Variants in PIWIL1 observed in about 807,000 individuals in gnomAD.
PIWIL1 encodes piwi-like protein 1.
PIWIL1 carries 73 observed loss-of-function variants against 114.4 expected under a neutral mutation model. The ratio of observed to expected loss-of-function variants is 0.64; its 90% CI spans 0.53 to 0.78. The LOEUF is 0.78. Among genes scored for constraint, PIWIL1 ranks in the 30% least tolerant of loss-of-function variants. The pLI is 0.00. For synonymous variants in PIWIL1, 375 were observed against 369.0 expected, an observed-to-expected ratio of 1.02 and a Z score of -0.19; for missense variants, 723 against 1,063.1, an observed-to-expected ratio of 0.68 and a Z score of 4.45.
At chr12:130,372,770 T>C (rs758149676), downstream of PIWIL1, 9 of 152,118 alleles carry the variant, frequency 5.9e-5, no homozygotes, top group Non-Finnish European at 1.0e-4. Context: ...AAGAAGTCTG[T>C]GGTGTTGTGA....
chr12:130,423,656 C>A, the PIWIL1 span, among the ~76,000 whole-genome samples: 53 of 50,112 alleles, frequency 1.1e-3, no homozygotes, highest in Admixed American at 5.2e-3. Context: ...AAACAATATG[C>A]AAAAAAAAAA....
the PIWIL1 span, among the ~76,000 whole-genome samples, chr12:130,391,392 A>C: frequency 6.6e-6 from 1 of 152,182 alleles, no homozygotes; most frequent in East Asian, 1.9e-4. Flanking sequence ...CCATCTCTAC[A>C]AGGATTTTAT....
At chr12:130,395,578 C>T in the PIWIL1 span, among the ~76,000 whole-genome samples, 1 of 152,138 alleles carries the variant, frequency 6.6e-6, no homozygotes, top group African/African-American at 2.4e-5. Context: ...TTTTTGTTAG[C>T]AACTCTTCAA....
chr12:130,348,757 C>T (rs1322245176), intron 7 of PIWIL1, among the ~76,000 whole-genome samples: 2 of 152,016 alleles, frequency 1.3e-5, no homozygotes, highest in South Asian at 2.1e-4. Flanking sequence ...AAAGATTAGC[C>T]GGGTGTGGTG....
At chr12:130,343,922 C>T (rs761555629) in intron 3 of PIWIL1, among the ~76,000 whole-genome samples, 7 of 152,146 alleles carry the variant, frequency 4.6e-5, no homozygotes, top group Non-Finnish European at 1.0e-4. Context: ...CCACCGCACC[C>T]GGCCCATTGA....
chr12:130,356,665 G>T (rs1206033886), intron 12 of PIWIL1, among the ~76,000 whole-genome samples: 1 of 152,160 alleles, frequency 6.6e-6, no homozygotes, highest in Non-Finnish European at 1.5e-5. Flanking sequence ...AGCACTTAGG[G>T]AAGTACCTGG....
intron 6 of PIWIL1, 83 bp from the exon 7 acceptor site, chr12:130,348,020 C>A: frequency 1.1e-6 from 1 of 901,326 alleles, no homozygotes; most frequent in Non-Finnish European, 1.7e-6. Flanking sequence ...AATTTGCCAA[C>A]CCCTGCTCTA....
chr12:130,385,104 T>A, the PIWIL1 span, among the ~76,000 whole-genome samples: 1 of 152,222 alleles, frequency 6.6e-6, no homozygotes, highest in South Asian at 2.1e-4. Context: ...GTCTTTGCTT[T>A]TGATGAACTA....
At chr12:130,402,165 G>T in the PIWIL1 span, among the ~76,000 whole-genome samples, 1 of 152,196 alleles carries the variant, frequency 6.6e-6, no homozygotes. Flanking sequence ...CGTCCAAAGT[G>T]ACGACGGGAC....
intron 3 of PIWIL1, among the ~76,000 whole-genome samples, chr12:130,344,252 T>C (rs1171147061): frequency 6.6e-6 from 1 of 152,140 alleles, no homozygotes; most frequent in Non-Finnish European, 1.5e-5. Context: ...TGTCATCAGG[T>C]TGGATTCAGT....
At chr12:130,390,426 C>T in the PIWIL1 span, among the ~76,000 whole-genome samples, 1 of 152,114 alleles carries the variant, frequency 6.6e-6, no homozygotes. Context: ...TGCTTACAGG[C>T]CAGCGTCATA....
At chr12:130,405,751 T>C in the PIWIL1 span, among the ~76,000 whole-genome samples, 37 of 128,324 alleles carry the variant, frequency 2.9e-4, no homozygotes, top group East Asian at 8.3e-3. Flanking sequence ...AGTCCTAAAA[T>C]CTGTGGGGTT....
the PIWIL1 span, chr12:130,412,683 C>T: frequency 6.2e-7 from 1 of 1,613,882 alleles, no homozygotes. Context: ...CCATCATCTC[C>T]TCATCATCTG....
At chr12:130,394,157 G>A in the PIWIL1 span, among the ~76,000 whole-genome samples, 11 of 152,100 alleles carry the variant, frequency 7.2e-5, no homozygotes, top group African/African-American at 2.2e-4. Flanking sequence ...GATTTCTTTC[G>A]TATTCTTAAT....
At chr12:130,361,671 T>G in intron 16 of PIWIL1, 70 bp downstream of exon 16, 1 of 1,192,446 alleles carries the variant, frequency 8.4e-7, no homozygotes, top group Non-Finnish European at 1.2e-6. Context: ...TCAGGAGTAG[T>G]GTTCATTCTT....
At chr12:130,353,838 A>G (rs1336740996) in intron 9 of PIWIL1, among the ~76,000 whole-genome samples, 4 of 151,962 alleles carry the variant, frequency 2.6e-5, no homozygotes, top group Non-Finnish European at 5.9e-5. Flanking sequence ...AGGCAGGAGA[A>G]TCACCTGAAC....
At chr12:130,410,152 T>C in the PIWIL1 span, among the ~76,000 whole-genome samples, 3 of 152,236 alleles carry the variant, frequency 2.0e-5, no homozygotes, top group Non-Finnish European at 4.4e-5. Context: ...TTAAAGATCT[T>C]TTCATGTGCT....
At chr12:130,341,864 A>G in intron 1 of PIWIL1, among the ~76,000 whole-genome samples, 1 of 152,256 alleles carries the variant, frequency 6.6e-6, no homozygotes, top group East Asian at 1.9e-4. Context: ...GGAAGCACTT[A>G]GTACCATCAT....
chr12:130,363,185 T>A (rs771228768), intron 18 of PIWIL1, 41 bp downstream of exon 18: 2 of 1,575,784 alleles, frequency 1.3e-6, no homozygotes, highest in Non-Finnish European at 8.7e-7. Flanking sequence ...TTTATAAAAC[T>A]GCACCTTTGT....
Sources: gnomAD v4.1 joint callset for allele counts (sites outside exome capture counted in the v4.1 genomes callset) on GRCh38, gnomAD v4.1.1 for gene constraint, MANE v1.5 for transcripts, NCBI Gene and HGNC (gene_info 2026-07-23, HGNC 2026-07-21) for gene names.